PHACTR1: variants seen among roughly 807,000 people sequenced by gnomAD.
PHACTR1 encodes the protein RPEL repeat containing 1.
Under a neutral mutation model 69.2 loss-of-function variants are expected in PHACTR1, and 16 were observed. The observed-to-expected ratio is 0.23, with a 90% CI of 0.16 to 0.35. The LOEUF (loss-of-function observed/expected upper bound fraction) is 0.35. Among genes scored for constraint, PHACTR1 ranks in the 10% least tolerant of loss-of-function variants. The pLI is 1.00. For synonymous variants in PHACTR1, 312 were observed against 284.5 expected, an observed-to-expected ratio of 1.10 and a Z score of -0.97; for missense variants, 510 against 734.7, an observed-to-expected ratio of 0.69 and a Z score of 3.54.
At chr6:12,814,840 T>C (rs753449279) in intron 4 of PHACTR1, among the ~76,000 whole-genome samples, 1 of 152,218 alleles carries the variant, frequency 6.6e-6, no homozygotes, top group Non-Finnish European at 1.5e-5. Flanking sequence ...TGGGGGAGGC[T>C]GCTTTATGCA....
intron 4 of PHACTR1, among the ~76,000 whole-genome samples, chr6:13,019,759 A>T (rs1315326393): frequency 1.3e-5 from 2 of 152,218 alleles, no homozygotes; most frequent in African/African-American, 2.4e-5. Context: ...AAGGTAATAG[A>T]TAAAATATAT....
At chr6:12,892,677 A>G (rs1051477558) in intron 4 of PHACTR1, among the ~76,000 whole-genome samples, 6 of 152,242 alleles carry the variant, frequency 3.9e-5, no homozygotes, top group Admixed American at 2.6e-4. Flanking sequence ...CCCCATGGAA[A>G]AAAAGGAACA....
chr6:12,988,563 C>T (rs1185625538), intron 4 of PHACTR1, among the ~76,000 whole-genome samples: 2 of 152,136 alleles, frequency 1.3e-5, no homozygotes, highest in Non-Finnish European at 2.9e-5. Context: ...GTATAATGTT[C>T]GCAAAGTACC....
intron 4 of PHACTR1, among the ~76,000 whole-genome samples, chr6:12,848,142 C>T (rs563615342): frequency 2.0e-5 from 3 of 151,916 alleles, no homozygotes; most frequent in Non-Finnish European, 4.4e-5. Context: ...TTAATCCATC[C>T]ATAACTAGGC....
At chr6:12,894,211 A>T (rs571852930) in intron 4 of PHACTR1, among the ~76,000 whole-genome samples, 145 of 152,380 alleles carry the variant, frequency 9.5e-4, no homozygotes, top group African/African-American at 3.2e-3. Context: ...AGTGGACAAA[A>T]GCAAATAATA....
intron 7 of PHACTR1, among the ~76,000 whole-genome samples, chr6:13,187,260 T>C (rs1762941925): frequency 6.6e-6 from 1 of 152,054 alleles, no homozygotes; most frequent in African/African-American, 2.4e-5. Flanking sequence ...TATATATACG[T>C]AGAGAGAGAG....
intron 5 of PHACTR1, among the ~76,000 whole-genome samples, chr6:13,125,951 A>G (rs1264856267): frequency 6.6e-6 from 1 of 152,214 alleles, no homozygotes; most frequent in Non-Finnish European, 1.5e-5. Flanking sequence ...AATGTTAAAC[A>G]TAGTCCAAAT....
At chr6:13,177,356 T>C (rs1761490329) in intron 6 of PHACTR1, among the ~76,000 whole-genome samples, 1 of 131,032 alleles carries the variant, frequency 7.6e-6, no homozygotes, top group East Asian at 2.3e-4. Flanking sequence ...TGTCTGTCTC[T>C]CTCTTGCGCT....
intron 5 of PHACTR1, among the ~76,000 whole-genome samples, chr6:13,077,329 C>T (rs6916261): frequency 0.012 from 1,790 of 152,246 alleles, 29 homozygotes; most frequent in African/African-American, 0.04. Context: ...ACTTGCCAAG[C>T]TCATATCTCA....
At chr6:13,117,558 C>T (rs942682066) in intron 5 of PHACTR1, among the ~76,000 whole-genome samples, 2 of 152,138 alleles carry the variant, frequency 1.3e-5, no homozygotes, top group Non-Finnish European at 2.9e-5. Flanking sequence ...TTATTTCGCA[C>T]CTGTTGTGTA....
At chr6:13,055,413 G>A (rs1011437091) in intron 5 of PHACTR1, among the ~76,000 whole-genome samples, 2 of 152,072 alleles carry the variant, frequency 1.3e-5, no homozygotes, top group Non-Finnish European at 2.9e-5. Context: ...GGGTACTTAG[G>A]TCATTGTCTC....
chr6:13,059,459 CA>C (rs1807349900), intron 5 of PHACTR1, among the ~76,000 whole-genome samples: 1 of 8,078 alleles, frequency 1.2e-4, no homozygotes, highest in African/African-American at 3.1e-4. Context: ...ATGTTCTTAT[CA>C]CACACACACA....
chr6:12,749,869 G>T, intron 4 of PHACTR1, 79 bp downstream of exon 4: 1 of 1,298,824 alleles, frequency 7.7e-7, no homozygotes, highest in Admixed American at 3.1e-5. Flanking sequence ...CGCCCCTCCC[G>T]GGCGTCCTCC....
intron 4 of PHACTR1, among the ~76,000 whole-genome samples, chr6:12,910,679 G>A (rs748046234): frequency 2.6e-5 from 4 of 152,076 alleles, no homozygotes; most frequent in East Asian, 1.9e-4. Flanking sequence ...AGTAATAGCC[G>A]CCGTCTACTG....
intron 4 of PHACTR1, among the ~76,000 whole-genome samples, chr6:12,830,802 G>C (rs928350261): frequency 6.6e-6 from 1 of 151,618 alleles, no homozygotes; most frequent in Admixed American, 6.6e-5. Flanking sequence ...CATCATGTTG[G>C]CCAGGCTGGT....
chr6:12,765,604 C>G (rs568134427), intron 4 of PHACTR1, among the ~76,000 whole-genome samples: 2 of 152,234 alleles, frequency 1.3e-5, no homozygotes, highest in East Asian at 3.9e-4. Flanking sequence ...TGCAGAAGCT[C>G]TAGAGCAAGG....
intron 4 of PHACTR1, among the ~76,000 whole-genome samples, chr6:12,933,337 T>C (rs76356811): frequency 0.015 from 2,264 of 152,272 alleles, 26 homozygotes; most frequent in South Asian, 0.032. Context: ...TACAAATAAC[T>C]GCATACAGAA....
At chr6:13,218,911 G>C (rs960632581) in intron 8 of PHACTR1, among the ~76,000 whole-genome samples, 1 of 139,210 alleles carries the variant, frequency 7.2e-6, no homozygotes, top group African/African-American at 2.7e-5. Context: ...GAGAAGAGAA[G>C]AGAAAAGGTA....
chr6:13,019,550 C>T (rs1169822458), intron 4 of PHACTR1, among the ~76,000 whole-genome samples: 3 of 152,198 alleles, frequency 2.0e-5, no homozygotes, highest in Admixed American at 1.3e-4. Flanking sequence ...AGTCAGCTTG[C>T]CTTATTTTTA....
Sources: gnomAD v4.1 joint callset for allele counts (sites outside exome capture counted in the v4.1 genomes callset) on GRCh38, gnomAD v4.1.1 for gene constraint, MANE v1.5 for transcripts, NCBI Gene and HGNC (gene_info 2026-07-23, HGNC 2026-07-21) for gene names.